The following AFAP1L2 variants were observed in gnomAD, a reference collection of about 807,000 sequenced individuals.
The protein encoded by AFAP1L2 is actin filament-associated protein 1-like 2.
A neutral mutation model predicts 99.3 loss-of-function variants in AFAP1L2; 46 were observed. The observed-to-expected ratio is 0.46, with a 90% CI of 0.37 to 0.59. AFAP1L2 has a LOEUF of 0.59. AFAP1L2 is among the 20% of genes least tolerant of loss of function. AFAP1L2 has a pLI of 0.00. For synonymous variants in AFAP1L2, 397 were observed against 419.1 expected (o/e 0.95, Z 0.64); for missense variants, 959 against 1,034.9 (o/e 0.93, Z 1.01).
chr10:114,383,985 C>T (rs148272149), intron 1 of AFAP1L2, among the ~76,000 whole-genome samples: 21 of 152,296 alleles, frequency 1.4e-4, no homozygotes, highest in Middle Eastern at 3.4e-3. Context: ...CCCCGCCTTC[C>T]GGTCCTGCCC....
At chr10:114,404,194 C>G (rs1250990560) in intron 1 of AFAP1L2, among the ~76,000 whole-genome samples, 1 of 152,180 alleles carries the variant, frequency 6.6e-6, no homozygotes, top group Non-Finnish European at 1.5e-5. Flanking sequence ...GCCACGCCCC[C>G]CACTGACGAC....
chr10:114,341,613 A>G (rs1177184891), intron 1 of AFAP1L2, among the ~76,000 whole-genome samples: 2 of 149,020 alleles, frequency 1.3e-5, no homozygotes, highest in Non-Finnish European at 3.0e-5. Flanking sequence ...CTCCATCTCA[A>G]AAAAAAAAAA....
intron 4 of AFAP1L2, among the ~76,000 whole-genome samples, chr10:114,327,955 A>G (rs1188695984): frequency 6.6e-6 from 1 of 152,192 alleles, no homozygotes; most frequent in East Asian, 1.9e-4. Flanking sequence ...ATGTCCTTTT[A>G]GGGATTAAGT....
At chr10:114,355,038 T>C (rs1437718082) in intron 1 of AFAP1L2, among the ~76,000 whole-genome samples, 1 of 152,172 alleles carries the variant, frequency 6.6e-6, no homozygotes, top group African/African-American at 2.4e-5. Flanking sequence ...TCTTGCTCCC[T>C]TTGAAAAGTC....
intron 1 of AFAP1L2, among the ~76,000 whole-genome samples, chr10:114,366,813 AC>A (rs2053328655): frequency 2.6e-5 from 4 of 152,064 alleles, no homozygotes; most frequent in Admixed American, 2.0e-4. Context: ...TAAAAATACA[AC>A]AAAATTAGTC....
chr10:114,335,612 CA>C (rs57598926), intron 2 of AFAP1L2, among the ~76,000 whole-genome samples: 2,660 of 131,898 alleles, frequency 0.02, 75 homozygotes, highest in African/African-American at 0.07. Context: ...GACTCCGTCT[CA>C]AAAAAAAAAA....
chr10:114,300,778 G>C, intron 13 of AFAP1L2, 88 bp from the exon 14 acceptor site: 1 of 1,494,694 alleles, frequency 6.7e-7, no homozygotes, highest in Non-Finnish European at 9.0e-7. Context: ...CACAGTTCTG[G>C]TGCCCATCTC....
At chr10:114,305,623 G>A (rs1382735250) in intron 10 of AFAP1L2, among the ~76,000 whole-genome samples, 2 of 149,232 alleles carry the variant, frequency 1.3e-5, no homozygotes, top group African/African-American at 5.0e-5. Context: ...AGATGCAGGA[G>A]GGGATGCAGA....
intron 11 of AFAP1L2, 74 bp from the exon 12 acceptor site, chr10:114,302,558 A>ATGACCG: frequency 6.3e-7 from 1 of 1,585,776 alleles, no homozygotes; most frequent in Non-Finnish European, 8.6e-7. Flanking sequence ...CCACCAGGCC[A>ATGACCG]TGACCGTACC....
intron 1 of AFAP1L2, among the ~76,000 whole-genome samples, chr10:114,360,550 T>C (rs59912836): frequency 0.04 from 5,718 of 141,480 alleles, 375 homozygotes; most frequent in African/African-American, 0.16. Flanking sequence ...GATAGATAGA[T>C]AGATAGATAG....
chr10:114,289,397 G>A, the AFAP1L2 span: 1 of 1,614,218 alleles, frequency 6.2e-7, no homozygotes, highest in Non-Finnish European at 8.5e-7. Flanking sequence ...GGTCTGCGGA[G>A]GCTTGCAGGT....
downstream of AFAP1L2, chr10:114,291,269 C>G (rs1222776167): frequency 3.9e-6 from 6 of 1,544,858 alleles, 1 homozygote; most frequent in South Asian, 7.2e-5. Context: ...AGGGCAGCAG[C>G]CGTACCCCTC....
chr10:114,293,638 A>G (rs1438580006), downstream of AFAP1L2, among the ~76,000 whole-genome samples: 1 of 152,226 alleles, frequency 6.6e-6, no homozygotes, highest in African/African-American at 2.4e-5. Context: ...TACTTATTCA[A>G]ATAAGACAGA....
At chr10:114,298,029 G>A (rs571020785) in intron 16 of AFAP1L2, among the ~76,000 whole-genome samples, 1 of 152,282 alleles carries the variant, frequency 6.6e-6, no homozygotes, top group African/African-American at 2.4e-5. Context: ...CATCTCTAAA[G>A]AGGGAAGGAA....
chr10:114,284,748 G>A, the AFAP1L2 span: 1 of 917,790 alleles, frequency 1.1e-6, no homozygotes, highest in South Asian at 1.7e-5. Context: ...TGTGGGGGAA[G>A]GGAGGGGCTG....
chr10:114,324,498 G>A (rs1278711820), intron 4 of AFAP1L2, among the ~76,000 whole-genome samples: 3 of 150,264 alleles, frequency 2.0e-5, no homozygotes, highest in East Asian at 1.9e-4. Flanking sequence ...CTGACTGCCC[G>A]CCTTGGCCTC....
intron 2 of AFAP1L2, among the ~76,000 whole-genome samples, chr10:114,339,235 G>A (rs1364594951): frequency 6.6e-6 from 1 of 152,104 alleles, no homozygotes; most frequent in Admixed American, 6.6e-5. Context: ...GAGGCGGGCG[G>A]ATCACGAGGT....
rs933499975 is a variant in AFAP1L2 at position 114,297,005 on chromosome 10, G to A, written c.2403C>T (p.Gly801=). The A allele has an allele frequency of 6.2e-7, 1 of 1,614,192 alleles. No homozygotes were observed. Among genetic ancestry groups the A allele is most frequent in the South Asian group, 1.1e-5 (1 of 91,074 alleles). The change falls in exon 18 of 19, where the codon GGC becomes GGT. Residue 801 remains glycine, a synonymous_variant. Coordinates refer to ENST00000304129, the MANE Select transcript of AFAP1L2 (RefSeq NM_001001936.3). ...TGGCTTTCTGGAGTACAGTGCCTTTGCCTGTGACCACGACCGAGAGAGGCC... is the reference window on the plus strand; with the variant it reads ...TGGCTTTCTGGAGTACAGTGCCTTTACCTGTGACCACGACCGAGAGAGGCC... ...KNRPLSVVVT[G]KGTVLQKAKE...
chr10:114,299,557 T>G, intron 15 of AFAP1L2, 142 bp from the exon 16 acceptor site: 1 of 909,672 alleles, frequency 1.1e-6, no homozygotes, highest in Non-Finnish European at 1.6e-6. Context: ...GACAGGTCCC[T>G]CTACCTCTCT....
Sources: gnomAD v4.1 joint callset for allele counts (sites outside exome capture counted in the v4.1 genomes callset) on GRCh38, gnomAD v4.1.1 for gene constraint, MANE v1.5 for transcripts, NCBI Gene and HGNC (gene_info 2026-07-23, HGNC 2026-07-21) for gene names.